The following ZNF69 variants were observed in gnomAD, a reference collection of about 807,000 sequenced individuals.
ZNF69 encodes the protein ZNF3.
ZNF69 carries 47 observed loss-of-function variants against 50.9 expected under a neutral mutation model. The observed-to-expected ratio is 0.92, with a 90% CI of 0.73 to 1.18. The LOEUF (loss-of-function observed/expected upper bound fraction) is 1.18. Among genes scored for constraint, ZNF69 ranks in the 50% most tolerant of loss-of-function variants. The probability of loss-of-function intolerance (pLI) is 0.00; values close to 1 mark genes in which losing one functional copy is unlikely to be tolerated. For synonymous variants in ZNF69, 216 were observed against 223.1 expected (o/e 0.97, Z 0.29); for missense variants, 717 against 675.1 (o/e 1.06, Z -0.69).
At chr19:11,976,880 A>G in the ZNF69 span, 1 of 1,494,132 alleles carries the variant, frequency 6.7e-7, no homozygotes, top group Non-Finnish European at 8.9e-7. Flanking sequence ...AACAACAAAA[A>G]TGCTTTATGG....
Position 11,887,809 on chromosome 19 carries a change from G to T in ZNF69, c.-115G>T. On this transcript the variant is annotated 5_prime_UTR_variant, in exon 1 of 4. Transcript: ENST00000429654. ...TGTTCCTCCAGACACTGAGGGGGTC[G>T]CATTCCTTACCTCACCTTTGTCCCT... The T allele has an allele frequency of 1.3e-6, 1 of 795,658 alleles. No individual in the cohort carries two copies. The highest frequency in any genetic ancestry group is 2.0e-6 in the Non-Finnish European group (1 of 498,768). 49.3% of individuals were successfully genotyped at this position (795,658 alleles called of 1,614,324 possible).
the ZNF69 span, chr19:11,978,672 C>T: frequency 6.2e-7 from 1 of 1,614,146 alleles, no homozygotes; most frequent in South Asian, 1.1e-5. Context: ...TGAAAGAACT[C>T]ACACTGGAGA....
the ZNF69 span, among the ~76,000 whole-genome samples, chr19:11,937,485 CTTTCCTTTTTTTT>C: frequency 7.2e-6 from 1 of 138,290 alleles, no homozygotes; most frequent in Admixed American, 7.2e-5. Context: ...TTCTTTTTTT[CTTTCCTTTTTTTT>C]TTTTTTTTGA....
At chr19:11,914,585 G>T (rs566658250), downstream of ZNF69, among the ~76,000 whole-genome samples, 27 of 152,270 alleles carry the variant, frequency 1.8e-4, no homozygotes, top group Middle Eastern at 3.4e-3. Context: ...ATGTGCTGCT[G>T]AGGCTAACTT....
chr19:11,904,741 A>C lies in ZNF69; in HGVS notation c.344A>C (p.Gln115Pro). 2 of 1,613,990 alleles carry C rather than the reference A, an allele frequency of 1.2e-6. No homozygotes were observed. The highest frequency in any genetic ancestry group is 1.7e-6 in the Non-Finnish European group (2 of 1,179,862). Residue 115 changes from glutamine (Q) to proline (P), a missense_variant, in exon 4 of 4, where the codon CAG (glutamine) becomes CCG (proline). Coordinates refer to ENST00000429654, the MANE Select transcript of ZNF69 (RefSeq NM_001364730.1). Reference protein sequence around the residue: ...TQVPDDRLNFQEKKASPEIKS... With the variant: ...TQVPDDRLNFPEKKASPEIKS... ...GTTCCAGATGACAGGCTGAACTTCC[A>C]GGAGAAGAAAGCTTCTCCTGAAATA...
chr19:11,928,001 A>AT, the ZNF69 span, among the ~76,000 whole-genome samples: 1,634 of 145,800 alleles, frequency 0.011, 26 homozygotes, highest in African/African-American at 0.03. Context: ...AGATACAACA[A>AT]TTTTTTTTTT....
chr19:11,947,835 A>T, the ZNF69 span, among the ~76,000 whole-genome samples: 1 of 152,182 alleles, frequency 6.6e-6, no homozygotes, highest in South Asian at 2.1e-4. Flanking sequence ...ACGAGACCAC[A>T]TATCAACAAC....
chr19:11,979,737 T>C, the ZNF69 span: 2 of 1,596,470 alleles, frequency 1.3e-6, no homozygotes, highest in Admixed American at 3.4e-5. Context: ...GGGAAAGCCT[T>C]CAGATCTGCC....
the ZNF69 span, chr19:11,979,455 C>G: frequency 6.2e-7 from 1 of 1,605,536 alleles, no homozygotes. Context: ...GGAGAAAGAC[C>G]TTATAAATGT....
the ZNF69 span, chr19:11,950,495 A>C: frequency 1.5e-6 from 1 of 653,464 alleles, no homozygotes; most frequent in East Asian, 2.9e-5. Flanking sequence ...GTTCCGTTTG[A>C]TATCATGAAA....
At chr19:11,902,525 G>A (rs1379447864) in intron 1 of ZNF69, among the ~76,000 whole-genome samples, 1 of 151,720 alleles carries the variant, frequency 6.6e-6, no homozygotes, top group African/African-American at 2.4e-5. Flanking sequence ...CCTTTGCCCT[G>A]TCAGCATCTA....
the ZNF69 span, among the ~76,000 whole-genome samples, chr19:11,971,132 A>G: frequency 6.6e-6 from 1 of 152,286 alleles, no homozygotes; most frequent in South Asian, 2.1e-4. Context: ...AGACTGGGTA[A>G]CTTAAAGAAT....
intron 1 of ZNF69, among the ~76,000 whole-genome samples, chr19:11,893,770 G>C (rs1417763925): frequency 1.3e-5 from 2 of 152,184 alleles, no homozygotes; most frequent in African/African-American, 2.4e-5. Context: ...CCTTGTGGTG[G>C]AGGAGATGCC....
chr19:11,947,697 T>A, the ZNF69 span: 7 of 1,034,782 alleles, frequency 6.8e-6, no homozygotes, highest in African/African-American at 1.1e-4. Flanking sequence ...CTTAGAATAT[T>A]TTCTCAAAAA....
At chr19:11,948,243 A>G in the ZNF69 span, 1 of 1,596,104 alleles carries the variant, frequency 6.3e-7, no homozygotes, top group Non-Finnish European at 8.5e-7. Context: ...CTTGTAAACA[A>G]ACCCTTCATG....
At chr19:11,934,213 T>A in the ZNF69 span, among the ~76,000 whole-genome samples, 1 of 148,036 alleles carries the variant, frequency 6.8e-6, no homozygotes, top group Non-Finnish European at 1.5e-5. Context: ...CTTGTTTGAG[T>A]CTAGTTTTTG....
the ZNF69 span, among the ~76,000 whole-genome samples, chr19:11,937,351 A>G: frequency 6.6e-6 from 1 of 151,994 alleles, no homozygotes; most frequent in Non-Finnish European, 1.5e-5. Flanking sequence ...TTATTTATTT[A>G]TTTTATTACA....
the ZNF69 span, among the ~76,000 whole-genome samples, chr19:11,960,467 GT>G: frequency 2.6e-5 from 4 of 152,182 alleles, no homozygotes; most frequent in East Asian, 1.9e-4. Flanking sequence ...ATTTTTAAAA[GT>G]TTTTTGTAGA....
downstream of ZNF69, among the ~76,000 whole-genome samples, chr19:11,907,984 C>T (rs1384379791): frequency 2.0e-5 from 3 of 152,118 alleles, no homozygotes. Flanking sequence ...GAAGATCTAC[C>T]AAGCAAATGG....
Sources: gnomAD v4.1 joint callset for allele counts (sites outside exome capture counted in the v4.1 genomes callset) on GRCh38, gnomAD v4.1.1 for gene constraint, MANE v1.5 for transcripts, NCBI Gene and HGNC (gene_info 2026-07-23, HGNC 2026-07-21) for gene names.